Variants in RPS18 observed in about 807,000 individuals in gnomAD.
RPS18 encodes ribosomal protein S18, also known as small ribosomal subunit protein uS13.
For synonymous variants in RPS18, 64 were observed against 70.9 expected (o/e 0.90, Z 0.49); for missense variants, 49 against 200.8 (o/e 0.24, Z 4.57).
At chr6:33,273,271 A>G (rs1189419154) in intron 2 of RPS18, among the ~76,000 whole-genome samples, 1 of 152,222 alleles carries the variant, frequency 6.6e-6, no homozygotes, top group African/African-American at 2.4e-5. Flanking sequence ...GAGTACATCC[A>G]TCTTTCTTTG....
chr6:33,275,704 C>T, intron 2 of RPS18, 93 bp from the exon 3 acceptor site: 1 of 850,282 alleles, frequency 1.2e-6, no homozygotes, highest in Non-Finnish European at 2.0e-6. Context: ...TAGATTATTG[C>T]AGATCCTACC....
chr6:33,275,361 C>T (rs546032052), intron 2 of RPS18: 15 of 172,352 alleles, frequency 8.7e-5, no homozygotes, highest in African/African-American at 2.9e-4. Flanking sequence ...CACTGTCGCC[C>T]AGGTTAGAGT....
At chr6:33,272,473 T>A in intron 1 of RPS18, 155 bp from the exon 2 acceptor site, 1 of 689,414 alleles carries the variant, frequency 1.5e-6, no homozygotes, top group South Asian at 1.6e-5. Flanking sequence ...CTGAGGAGTT[T>A]GCTCTGTGGT....
chr6:33,274,762 T>C (rs1162007179), intron 2 of RPS18, among the ~76,000 whole-genome samples: 2 of 152,182 alleles, frequency 1.3e-5, no homozygotes, highest in African/African-American at 4.8e-5. Context: ...TAATCAAATA[T>C]AACGTCATTT....
chr6:33,275,238 A>G (rs1020084408), intron 2 of RPS18: 1 of 121,902 alleles, frequency 8.2e-6, no homozygotes, highest in Non-Finnish European at 1.9e-5. Context: ...CAATGGGGGA[A>G]AAAAAAGATA....
Position 33,276,465 on chromosome 6 carries a change from A to G in RPS18, c.458A>G (p.Ter153=). Residue 153 remains the stop codon, a stop_retained_variant, in exon 6 of 6, where the codon TAA becomes TGA. Transcript: ENST00000439602. ...GRTVGVSKKK[*] The stretch of plus-strand genomic sequence containing the variant: ...ACCGTGGGTGTGTCCAAGAAGAAAT[A>G]AGTCTGTAGGCCTTGTCTGTTAATA... 1 of 1,606,006 alleles carries G rather than the reference A, an allele frequency of 6.2e-7. No homozygotes were observed. Among genetic ancestry groups the G allele is most frequent in the Non-Finnish European group, 8.5e-7 (1 of 1,173,432 alleles).
Position 33,272,100 on chromosome 6 carries a change from C to G in RPS18, c.-20C>G, listed in dbSNP as rs1048594523. On this transcript the variant is annotated 5_prime_UTR_variant, in exon 1 of 6. Coordinates refer to ENST00000439602, the MANE Select transcript of RPS18 (RefSeq NM_022551.3). Reference sequence around the variant, plus strand: ...CTCTCTTCCACAGGAGGCCTACACGCCGCCGCTTGTGCTGCAGCCATGGTA... The same window carrying G: ...CTCTCTTCCACAGGAGGCCTACACGGCGCCGCTTGTGCTGCAGCCATGGTA... 8 of 1,566,608 alleles carry G rather than the reference C, an allele frequency of 5.1e-6. No individual in the cohort carries two copies. The highest frequency in any genetic ancestry group is 6.9e-6 in the Non-Finnish European group (8 of 1,155,524).
rs374616270 is a variant in RPS18 at position 33,274,683 on chromosome 6, CTG to C, written c.103-1112_103-1111del. On this transcript the variant is annotated intron_variant, in intron 2 of 5. Coordinates refer to ENST00000439602, the MANE Select transcript of RPS18 (RefSeq NM_022551.3). Reference sequence around the variant, plus strand: ...TGGCTTGTAGCTGCATTACTCCAATCTGTTGCTGTCATCTCATGGTCCTCTTC... The same window carrying C: ...TGGCTTGTAGCTGCATTACTCCAATCTTGCTGTCATCTCATGGTCCTCTTC... Among the ~76,000 whole-genome samples, 9 of 152,324 alleles carry C rather than the reference CTG, an allele frequency of 5.9e-5. No homozygotes were observed. The East Asian group carries it at 1.3e-3, about 23-fold the overall frequency.
chr6:33,275,534 T>G, intron 2 of RPS18: 1 of 485,680 alleles, frequency 2.1e-6, no homozygotes, highest in Non-Finnish European at 3.7e-6. Flanking sequence ...GCCAGGCTGG[T>G]TTTGAACTCC....
chr6:33,275,538 G>T, intron 2 of RPS18: 1 of 497,854 alleles, frequency 2.0e-6, no homozygotes, highest in Non-Finnish European at 3.6e-6. Flanking sequence ...GGCTGGTTTT[G>T]AACTCCTGCC....
intron 4 of RPS18, 37 bp from the exon 5 acceptor site, chr6:33,276,139 G>A (rs1333994049): frequency 1.2e-6 from 2 of 1,609,890 alleles, no homozygotes; most frequent in Non-Finnish European, 8.5e-7. Context: ...AGGAGGTCAG[G>A]GGATAAAACA....
At chr6:33,275,316 C>G (rs1318680157) in intron 2 of RPS18, 2 of 169,144 alleles carry the variant, frequency 1.2e-5, no homozygotes, top group Non-Finnish European at 2.6e-5. Flanking sequence ...TACCCCTGAA[C>G]AAAGTTACTT....
rs1257123258 is a variant in RPS18, at chr6:33,276,167, T to C, written c.292-9T>C. Reference sequence around the variant, plus strand: ...ATAAAACATCCCTTGCCCCCTCCTCTGAATCCAGGTCCTAGCCAATGGTCT... The same window carrying C: ...ATAAAACATCCCTTGCCCCCTCCTCCGAATCCAGGTCCTAGCCAATGGTCT... On this transcript the variant is annotated splice_polypyrimidine_tract_variant and intron_variant, in intron 4 of 5. Transcript: ENST00000439602. The C allele has an allele frequency of 1.2e-6, 2 of 1,613,982 alleles. No homozygotes were observed. Among genetic ancestry groups the C allele is most frequent in the South Asian group, 1.1e-5 (1 of 91,082 alleles).
chr6:33,276,097 G>A, intron 4 of RPS18, 31 bp downstream of exon 4: 1 of 1,606,864 alleles, frequency 6.2e-7, no homozygotes, highest in Non-Finnish European at 8.5e-7. Flanking sequence ...AGGATTAGAG[G>A]AAGGGTGGAG....
intron 2 of RPS18, 137 bp from the exon 3 acceptor site, chr6:33,275,660 G>A (rs555609102): frequency 2.8e-6 from 2 of 721,466 alleles, no homozygotes; most frequent in East Asian, 4.9e-5. Flanking sequence ...CTGGAAAGGT[G>A]GGTGAGGAAA....
At chr6:33,276,330 T>G in intron 5 of RPS18, 61 bp from the exon 6 acceptor site, 2 of 1,608,568 alleles carry the variant, frequency 1.2e-6, no homozygotes, top group South Asian at 2.2e-5. Flanking sequence ...TCGCTCTTCT[T>G]TTTCCCCAAC....
Position 33,276,244 on chromosome 6 carries a change from T to C in RPS18, c.360T>C (p.His120=), listed in dbSNP as rs1300296886. 11 of 1,613,650 alleles carry C rather than the reference T, an allele frequency of 6.8e-6. No individual in the cohort carries two copies. The highest frequency in any genetic ancestry group is 6.7e-5 in the Admixed American group (4 of 59,998). ...DLERLKKIRA[H]RGLRHFWGLR... ...AGCGACTGAAGAAGATTCGGGCCCA[T>C]AGAGGGCTGCGTCACTTCTGGGGGT... Residue 120 remains histidine, a synonymous_variant, in exon 5 of 6, where the codon CAT becomes CAC. Transcript: ENST00000439602.
chr6:33,274,845 G>A lies in RPS18; in HGVS notation c.103-952G>A, dbSNP rs564188166. Among the ~76,000 whole-genome samples, 4 of 152,272 alleles carry A rather than the reference G, an allele frequency of 2.6e-5. No homozygotes were observed. The South Asian group carries it at 8.3e-4, about 32-fold the overall frequency. On this transcript the variant is annotated intron_variant, in intron 2 of 5. Coordinates refer to ENST00000439602, the MANE Select transcript of RPS18 (RefSeq NM_022551.3). Reference sequence around the variant, plus strand: ...CTGATGTTCTAGTTGGACAAAATGAGGGGCAGGGCTCAGTATTCAGTTCCT... The same window carrying A: ...CTGATGTTCTAGTTGGACAAAATGAAGGGCAGGGCTCAGTATTCAGTTCCT...
chr6:33,275,578 C>G (rs1765574959), intron 2 of RPS18: 1 of 578,754 alleles, frequency 1.7e-6, no homozygotes, highest in Non-Finnish European at 3.1e-6. Context: ...TTGGGCCTCC[C>G]AAAGTGCTGG....
Sources: gnomAD v4.1 joint callset for allele counts (sites outside exome capture counted in the v4.1 genomes callset) on GRCh38, gnomAD v4.1.1 for gene constraint, MANE v1.5 for transcripts, NCBI Gene and HGNC (gene_info 2026-07-23, HGNC 2026-07-21) for gene names.